Variants in MKLN1 observed in about 807,000 individuals in gnomAD.
MKLN1 encodes muskelin 1.
In MKLN1, 18 loss-of-function variants were observed where a neutral mutation model predicts 99.0. The observed-to-expected ratio is 0.18, with a 90% CI of 0.13 to 0.27. The LOEUF is 0.27. Among genes scored for constraint, MKLN1 ranks in the 10% least tolerant of loss-of-function variants. The pLI, the probability that MKLN1 is intolerant of heterozygous loss-of-function variation, is 1.00. For missense variants in MKLN1, 621 were observed against 875.9 expected, an observed-to-expected ratio of 0.71 and a Z score of 3.67; for synonymous variants, 288 against 293.2, an observed-to-expected ratio of 0.98 and a Z score of 0.18.
chr7:131,431,083 A>T (rs1215058143), intron 9 of MKLN1, among the ~76,000 whole-genome samples: 6 of 152,048 alleles, frequency 3.9e-5, no homozygotes, highest in Non-Finnish European at 8.8e-5. Flanking sequence ...CTAGCTGGGC[A>T]TGGTAGCAGG....
chr7:131,314,308 G>C (rs1165744118), intron 3 of MKLN1, among the ~76,000 whole-genome samples: 2 of 152,328 alleles, frequency 1.3e-5, no homozygotes, highest in Non-Finnish European at 2.9e-5. Flanking sequence ...CAGAAAGGGA[G>C]TGAGAGGCAG....
chr7:131,126,840 C>T (rs907849439), intron 1 of MKLN1, among the ~76,000 whole-genome samples: 1 of 152,190 alleles, frequency 6.6e-6, no homozygotes. Flanking sequence ...AGGCATGAGC[C>T]ATCGCATCCG....
In MKLN1 at chr7:131,196,928, G is replaced by A. The variant is rs897522932; in HGVS notation, c.-296-5929G>A. Among the ~76,000 whole-genome samples the A allele has an allele frequency of 9.2e-5, 14 of 151,900 alleles. 1 individual carries two copies. Among genetic ancestry groups the A allele is most frequent in the African/African-American group, 3.2e-4 (13 of 41,246 alleles). Reference sequence around the variant, plus strand: ...CCTCTCCCTGGTCAAGAATGGCCTCGCTGAATCCCTGTTCCAAATGCCGTG... The same window carrying A: ...CCTCTCCCTGGTCAAGAATGGCCTCACTGAATCCCTGTTCCAAATGCCGTG... On this transcript the variant is annotated intron_variant, in intron 2 of 7. Transcript: ENST00000416992.
At chr7:131,479,569 G>A (rs1380039609) in intron 17 of MKLN1, among the ~76,000 whole-genome samples, 1 of 151,412 alleles carries the variant, frequency 6.6e-6, no homozygotes, top group Non-Finnish European at 1.5e-5. Flanking sequence ...GCTCATGCCT[G>A]TAATCCCAGC....
At chr7:131,242,204 C>G (rs201981102) in intron 3 of MKLN1, among the ~76,000 whole-genome samples, 1 of 152,188 alleles carries the variant, frequency 6.6e-6, no homozygotes, top group East Asian at 1.9e-4. Flanking sequence ...AGTTGAAACA[C>G]TTTTACTTTT....
At chr7:131,263,841 A>G (rs541261209) in intron 3 of MKLN1, among the ~76,000 whole-genome samples, 2 of 152,284 alleles carry the variant, frequency 1.3e-5, no homozygotes, top group African/African-American at 4.8e-5. Context: ...AAGTGCTGGG[A>G]TTACAGGTGT....
intron 1 of MKLN1, among the ~76,000 whole-genome samples, chr7:131,360,219 G>A (rs1799989775): frequency 1.3e-5 from 2 of 151,834 alleles, no homozygotes; most frequent in Admixed American, 1.3e-4. Flanking sequence ...AACATATTTG[G>A]ACTTTGTTTT....
At position 131,291,106 on chromosome 7, in the gene MKLN1, TTTA is replaced by T. The variant is rs1479276795; in HGVS notation, c.-178-84315_-178-84313del. Among the ~76,000 whole-genome samples, 53 of 68,004 alleles carry T rather than the reference TTTA, an allele frequency of 7.8e-4. 1 individual carries two copies. Among genetic ancestry groups the T allele is most frequent in the East Asian group, 3.8e-3 (9 of 2,378 alleles). The allele number at this position is 68,004 out of a possible 152,430, so 44.6% of individuals were successfully genotyped here. A position where few individuals can be genotyped will look rare whatever the true frequency, so the allele number is the denominator to read the frequency against. ...TTTCCTTTTATCTCATTTTATTTTA[TTTA>T]TTTATTTATTTATTTATTTATTTAT... On this transcript the variant is annotated intron_variant, in intron 3 of 7. Coordinates refer to the MKLN1 transcript ENST00000416992.
rs1252360239 is a variant in MKLN1, at chr7:131,397,328, C to T, written c.462C>T (p.Gly154=). Residue 154 remains glycine, a synonymous_variant, in exon 5 of 18, where the codon GGC becomes GGT. Coordinates refer to ENST00000352689, the MANE Select transcript of MKLN1 (RefSeq NM_013255.5). Reference sequence around the variant, plus strand: ...GCATCTGGTATGTTGAACTTAGTGGCATTGATGATCCTGATATAGTACAAC... The same window carrying T: ...GCATCTGGTATGTTGAACTTAGTGGTATTGATGATCCTGATATAGTACAAC... ...NFSIWYVELS[G]IDDPDIVQPC... 2.0e-5 allele frequency: 33 copies of T among 1,613,066 alleles called. No individual in the cohort carries two copies. The highest frequency in any genetic ancestry group is 2.7e-5 in the Non-Finnish European group (32 of 1,179,438).
At chr7:131,464,518 A>G (rs892338168) in intron 14 of MKLN1, 110 bp downstream of exon 14, 4 of 585,758 alleles carry the variant, frequency 6.8e-6, no homozygotes, top group African/African-American at 1.8e-5. Context: ...GTTAAAATAC[A>G]TAGTAGACAT....
chr7:131,195,690 C>T (rs1011511098), intron 2 of MKLN1, among the ~76,000 whole-genome samples: 4 of 152,016 alleles, frequency 2.6e-5, no homozygotes, highest in African/African-American at 4.8e-5. Flanking sequence ...CGGTGGCTCA[C>T]GCCTGGAATC....
intron 17 of MKLN1, among the ~76,000 whole-genome samples, chr7:131,483,194 A>G (rs1169129510): frequency 6.6e-6 from 1 of 152,228 alleles, no homozygotes; most frequent in Non-Finnish European, 1.5e-5. Context: ...GTGCCATTTA[A>G]GTAGTTGTGG....
intron 6 of MKLN1, among the ~76,000 whole-genome samples, chr7:131,402,089 T>C (rs1794564397): frequency 6.6e-6 from 1 of 152,210 alleles, no homozygotes; most frequent in East Asian, 1.9e-4. Flanking sequence ...TGATTGCATT[T>C]GACCCACAAT....
At chr7:131,390,858 T>A (rs1340547479) in intron 4 of MKLN1, among the ~76,000 whole-genome samples, 1 of 152,110 alleles carries the variant, frequency 6.6e-6, no homozygotes, top group Non-Finnish European at 1.5e-5. Flanking sequence ...CATAATGATG[T>A]CTTTTACTTG....
intron 7 of MKLN1, among the ~76,000 whole-genome samples, chr7:131,411,693 G>C (rs1794880019): frequency 6.6e-6 from 1 of 151,862 alleles, no homozygotes; most frequent in Admixed American, 6.6e-5. Context: ...GATCACCTGA[G>C]GTTAGTAGTT....
intron 2 of MKLN1, among the ~76,000 whole-genome samples, chr7:131,167,483 G>A (rs1220153519): frequency 6.6e-6 from 1 of 151,948 alleles, no homozygotes; most frequent in East Asian, 1.9e-4. Context: ...ACCAGCCTAG[G>A]GCAACATGGT....
intron 1 of MKLN1, among the ~76,000 whole-genome samples, chr7:131,339,726 C>T (rs1044122208): frequency 5.9e-5 from 9 of 151,652 alleles, no homozygotes; most frequent in Admixed American, 3.9e-4. Context: ...AGAGTTTAAT[C>T]TTTCTATAAG....
At chr7:131,320,188 GC>G (rs1798749303) in intron 3 of MKLN1, among the ~76,000 whole-genome samples, 1 of 152,076 alleles carries the variant, frequency 6.6e-6, no homozygotes, top group African/African-American at 2.4e-5. Flanking sequence ...ATACTGCAAG[GC>G]TACAGTAACC....
intron 2 of MKLN1, among the ~76,000 whole-genome samples, chr7:131,148,140 T>C (rs1035436762): frequency 1.5e-4 from 23 of 152,078 alleles, no homozygotes; most frequent in Non-Finnish European, 1.8e-4. Flanking sequence ...CCTGGAACTC[T>C]TGGGCTCAAG....
Sources: allele counts gnomAD v4.1 joint callset (sites outside exome capture counted in the v4.1 genomes callset), GRCh38; gene constraint gnomAD v4.1.1; transcripts MANE v1.5; gene names NCBI Gene and HGNC (gene_info 2026-07-23, HGNC 2026-07-21).